TPRX1: variants seen among roughly 807,000 people sequenced by gnomAD.
TPRX1 encodes the protein tetrapeptide repeat homeobox 1.
Under a neutral mutation model 8.1 loss-of-function variants are expected in TPRX1, and 2 were observed. That is an observed-to-expected ratio of 0.25 (90% confidence interval 0.10 to 0.78). The LOEUF (loss-of-function observed/expected upper bound fraction) is 0.78. Among genes scored for constraint, TPRX1 ranks in the 30% least tolerant of loss-of-function variants. The pLI, the probability that TPRX1 is intolerant of heterozygous loss-of-function variation, is 0.70. For missense variants in TPRX1, 517 were observed against 586.9 expected (o/e 0.88, Z 1.23); for synonymous variants, 257 against 254.1 (o/e 1.01, Z -0.11).
chr19:47,804,380 CACT>C (rs1307243442), intron 2 of TPRX1, among the ~76,000 whole-genome samples, 132 bp downstream of exon 1: 4 of 152,224 alleles, frequency 2.6e-5, no homozygotes, highest in Non-Finnish European at 1.5e-5. Flanking sequence ...TCCCAGACAC[CACT>C]AAGTTCTCCC....
intron 2 of TPRX1, among the ~76,000 whole-genome samples, chr19:47,815,451 C>CTTT (rs1967831168): frequency 6.8e-6 from 1 of 148,030 alleles, no homozygotes; most frequent in African/African-American, 2.4e-5. Context: ...CCGCACCTGG[C>CTTT]TCAAAGAATA....
At position 47,815,114 on chromosome 19, in the gene TPRX1, TTA is replaced by T. The variant is rs548380113; in HGVS notation, c.151+3352_151+3353del. Among the ~76,000 whole-genome samples, 402 of 63,358 alleles carry T rather than the reference TTA, an allele frequency of 6.3e-3. 13 individuals are homozygous for T. Among genetic ancestry groups the T allele is most frequent in the East Asian group, 0.018 (46 of 2,518 alleles). 41.6% of individuals were successfully genotyped at this position (63,358 alleles called of 152,430 possible). On this transcript the variant is annotated intron_variant, in intron 2 of 3. Transcript: ENST00000535759. Reference sequence around the variant, plus strand: ...GTGCTTAGCTCAATAAATAGATAAATTATATATATATATATATATATATATAT... The same window carrying T: ...GTGCTTAGCTCAATAAATAGATAAATTATATATATATATATATATATATAT...
intron 2 of TPRX1, among the ~76,000 whole-genome samples, chr19:47,816,734 A>G (rs11668241): frequency 0.053 from 8,083 of 151,114 alleles, 261 homozygotes; most frequent in African/African-American, 0.078. Flanking sequence ...GGGTTTCACC[A>G]TGTTAGCCAG....
At chr19:47,815,507 C>T (rs73036937) in intron 2 of TPRX1, among the ~76,000 whole-genome samples, 24,453 of 149,666 alleles carry the variant, frequency 0.16, 2,425 homozygotes, top group Non-Finnish European at 0.23. Context: ...TAAAATTCCA[C>T]GCTTTTAATT....
chr19:47,817,909 G>A (rs571518098), intron 2 of TPRX1, among the ~76,000 whole-genome samples: 13 of 152,324 alleles, frequency 8.5e-5, no homozygotes, highest in Admixed American at 2.6e-4. Flanking sequence ...TCTCTCTGCC[G>A]CATCCGTAGG....
At chr19:47,817,680 C>T (rs1967856556) in intron 2 of TPRX1, among the ~76,000 whole-genome samples, 1 of 152,190 alleles carries the variant, frequency 6.6e-6, no homozygotes, top group Non-Finnish European at 1.5e-5. Flanking sequence ...TCCTCCCCTG[C>T]TCCCATGGGA....
chr19:47,803,187 T>A (rs537431143), intron 3 of TPRX1, among the ~76,000 whole-genome samples: 1 of 134,932 alleles, frequency 7.4e-6, no homozygotes, highest in African/African-American at 2.7e-5. Flanking sequence ...TGGGGTGGGA[T>A]GGGAGGAGCG....
In TPRX1 at chr19:47,804,341, C is replaced by T. The variant is rs557475899; in HGVS notation, c.152-668G>A. ...AAGAGCTGGGATCACAGGCGTGAGACGCTACACCCAGCTGCATGATTTTTC... is the reference window on the plus strand; with the variant it reads ...AAGAGCTGGGATCACAGGCGTGAGATGCTACACCCAGCTGCATGATTTTTC... On this transcript the variant is annotated intron_variant, in intron 2 of 3. Transcript: ENST00000535759. Among the ~76,000 whole-genome samples the T allele has an allele frequency of 2.9e-4, 44 of 152,088 alleles. 1 individual carries two copies. The highest frequency in any genetic ancestry group is 2.0e-3 in the Admixed American group (31 of 15,272).
intron 2 of TPRX1, among the ~76,000 whole-genome samples, chr19:47,818,219 TCCATCCATCCATCCACCCATCCATCAC>T (rs1437170953): frequency 3.3e-5 from 5 of 150,370 alleles, no homozygotes; most frequent in African/African-American, 1.2e-4. Flanking sequence ...CACCCATCCA[TCCATCCATCCATCCACCCATCCATCAC>T]CCATCCATCC....
At chr19:47,802,150 G>A in exon 4 of TPRX1, 1 of 1,594,296 alleles carries the variant, frequency 6.3e-7, no homozygotes, top group Non-Finnish European at 8.5e-7. Context: ...CAGGACTTAA[G>A]ATGGGACCTG....
intron 2 of TPRX1, among the ~76,000 whole-genome samples, chr19:47,817,049 A>G (rs1434048087): frequency 6.6e-6 from 1 of 152,194 alleles, no homozygotes; most frequent in Non-Finnish European, 1.5e-5. Flanking sequence ...GCCCAAGGCT[A>G]GTTCTCAGAG....
In TPRX1 at chr19:47,816,699, T is replaced by A. The variant is rs142970644; in HGVS notation, c.151+1769A>T. Among the ~76,000 whole-genome samples, 400 of 150,966 alleles carry A rather than the reference T, an allele frequency of 2.6e-3. 2 individuals are homozygous for A. The highest frequency in any genetic ancestry group is 4.0e-3 in the South Asian group (19 of 4,752). ...AGGCGCCCGCCACCACGCCCGGCTATTTTTTGTATTTTTTAGTAGAGATGG... is the reference window on the plus strand; with the variant it reads ...AGGCGCCCGCCACCACGCCCGGCTAATTTTTGTATTTTTTAGTAGAGATGG... On this transcript the variant is annotated intron_variant, in intron 2 of 3. Transcript: ENST00000535759.
intron 2 of TPRX1, among the ~76,000 whole-genome samples, chr19:47,806,923 A>G (rs1273789734): frequency 6.6e-6 from 1 of 151,536 alleles, no homozygotes. Context: ...TTTTTTTGAG[A>G]TGGCGTCTTG....
chr19:47,810,687 T>C (rs1194330026), intron 2 of TPRX1, among the ~76,000 whole-genome samples: 1 of 151,946 alleles, frequency 6.6e-6, no homozygotes, highest in East Asian at 1.9e-4. Context: ...TGGGCTCTGA[T>C]GGGGTTGACC....
Position 47,802,454 on chromosome 19 carries a change from G to A in TPRX1, c.848C>T (p.Pro283Leu), listed in dbSNP as rs1441035397. Residue 283 changes from proline to leucine, a missense_variant, in exon 4 of 4, where the codon CCG becomes CTG. Pro to Leu is a moderately conservative substitution (Grantham distance 98). Transcript: ENST00000535759. ...CGGGCCTGAGATTGGGCCTGGGATC[G>A]GGCCTGGGTTTGGGCCTGGGATCGG... The A allele has an allele frequency of 4.0e-6, 6 of 1,487,196 alleles. No homozygotes were observed. The African/African-American group carries it at 4.4e-5, about 11-fold the overall frequency. 92.1% of individuals were successfully genotyped at this position (1,487,196 alleles called of 1,614,324 possible).
At chr19:47,817,253 A>G (rs1967852179) in intron 2 of TPRX1, among the ~76,000 whole-genome samples, 1 of 152,152 alleles carries the variant, frequency 6.6e-6, no homozygotes, top group Non-Finnish European at 1.5e-5. Context: ...TGAACCACAG[A>G]CCTTGGGAAC....
intron 2 of TPRX1, among the ~76,000 whole-genome samples, chr19:47,807,611 A>C (rs2123714893): frequency 6.6e-6 from 1 of 152,190 alleles, no homozygotes; most frequent in Admixed American, 6.6e-5. Context: ...GGCCTCAAGT[A>C]ATTCGCTCTC....
chr19:47,818,401 T>G, intron 2 of TPRX1: 1 of 445,306 alleles, frequency 2.2e-6, no homozygotes, highest in Non-Finnish European at 4.6e-6. Context: ...CATCCATCCA[T>G]CCATCCATCC....
chr19:47,802,862 G>C lies in TPRX1; in HGVS notation c.440C>G (p.Ala147Gly), dbSNP rs368212934. 1.9e-4 allele frequency: 307 copies of C among 1,600,456 alleles called. No homozygotes were observed. The highest frequency in any genetic ancestry group is 2.4e-4 in the Non-Finnish European group (287 of 1,175,740). Reference sequence around the variant, plus strand: ...GCCCCGCTGAGGTGCGGAGGCAGAGGCTGCAGGGACTAGGGGCGCAGCGCG... The same window carrying C: ...GCCCCGCTGAGGTGCGGAGGCAGAGCCTGCAGGGACTAGGGGCGCAGCGCG... Residue 147 changes from alanine (A) to glycine (G), a missense_variant, in exon 4 of 4, where the codon GCC (alanine) becomes GGC (glycine). This residue lies in a region of TPRX1 where 506 missense variants were observed against 515.5 expected (regional missense o/e 0.98). Coordinates refer to ENST00000535759, the Ensembl canonical transcript of TPRX1.
Sources: allele counts gnomAD v4.1 joint callset (sites outside exome capture counted in the v4.1 genomes callset), GRCh38; gene constraint gnomAD v4.1.1; regional missense constraint gnomAD v4.1.1; transcripts MANE v1.5; gene names NCBI Gene and HGNC (gene_info 2026-07-23, HGNC 2026-07-21).